CA10: variants seen among roughly 807,000 people sequenced by gnomAD.
CA10 encodes the protein carbonic anhydrase 10 (inactive), also known as carbonic anhydrase-related protein 10.
A neutral mutation model predicts 44.2 loss-of-function variants in CA10; 14 were observed. The observed-to-expected ratio is 0.32, with a 90% CI of 0.21 to 0.50. The LOEUF (loss-of-function observed/expected upper bound fraction) is 0.50. CA10 is among the 20% of genes least tolerant of loss of function. The pLI is 0.99. For synonymous variants in CA10, 159 were observed against 141.6 expected (o/e 1.12, Z -0.87); for missense variants, 350 against 409.7 (o/e 0.85, Z 1.26).
chr17:52,122,365 C>T (rs2143320430), intron 1 of CA10, among the ~76,000 whole-genome samples: 1 of 152,136 alleles, frequency 6.6e-6, no homozygotes, highest in Non-Finnish European at 1.5e-5. Context: ...ATTTTAAAGC[C>T]TAAGACAAAA....
At chr17:52,103,813 T>TC (rs2143257919) in intron 1 of CA10, among the ~76,000 whole-genome samples, 1 of 152,242 alleles carries the variant, frequency 6.6e-6, no homozygotes, top group Admixed American at 6.5e-5. Flanking sequence ...CAAGAGGCAG[T>TC]CCCCCCAGCA....
In CA10 at chr17:51,837,037, T is replaced by C. The variant is rs1043926983; in HGVS notation, c.280-89219A>G. 2.0e-5 allele frequency among the ~76,000 whole-genome samples: 3 copies of C among 151,660 alleles called. No individual in the cohort carries two copies. In the South Asian group the frequency reaches 6.3e-4, roughly 32 times the overall value. ...TGAAATATTGTATGAGCATTTATAA[T>C]GCCATAAGAAACAATATGTATACAT... On this transcript the variant is annotated intron_variant, in intron 3 of 8. Coordinates refer to ENST00000451037, the MANE Select transcript of CA10 (RefSeq NM_020178.5).
intron 3 of CA10, among the ~76,000 whole-genome samples, chr17:51,786,193 C>T (rs1049590820): frequency 1.4e-5 from 2 of 147,410 alleles, no homozygotes; most frequent in Non-Finnish European, 3.0e-5. Flanking sequence ...TTTTTTAATG[C>T]GTTCTAACAT....
chr17:51,856,542 G>A (rs372633285), intron 3 of CA10, among the ~76,000 whole-genome samples: 1 of 152,224 alleles, frequency 6.6e-6, no homozygotes, highest in African/African-American at 2.4e-5. Context: ...AGAAAATACA[G>A]AGCAGTGACA....
chr17:51,866,615 A>C (rs540081891), intron 3 of CA10, among the ~76,000 whole-genome samples: 1 of 152,136 alleles, frequency 6.6e-6, no homozygotes, highest in Non-Finnish European at 1.5e-5. Flanking sequence ...GCTGACCTTC[A>C]TTGAACTAAC....
At chr17:52,105,873 A>G (rs926267221) in intron 1 of CA10, among the ~76,000 whole-genome samples, 1 of 152,194 alleles carries the variant, frequency 6.6e-6, no homozygotes, top group African/African-American at 2.4e-5. Context: ...AACAGCATAA[A>G]AGAAGTAAGT....
At chr17:51,875,890 A>G (rs531934068) in intron 3 of CA10, among the ~76,000 whole-genome samples, 38 of 152,230 alleles carry the variant, frequency 2.5e-4, no homozygotes, top group African/African-American at 9.1e-4. Context: ...TTTTTCCAGA[A>G]TGTTCTATAA....
intron 2 of CA10, among the ~76,000 whole-genome samples, chr17:52,016,335 A>G (rs1246755540): frequency 6.6e-6 from 1 of 152,172 alleles, no homozygotes; most frequent in African/African-American, 2.4e-5. Flanking sequence ...AGGAAGGACC[A>G]CACCCACCAT....
At chr17:52,038,830 TAATCATCA>T (rs1986690111) in intron 2 of CA10, among the ~76,000 whole-genome samples, 1 of 152,206 alleles carries the variant, frequency 6.6e-6, no homozygotes, top group Non-Finnish European at 1.5e-5. Flanking sequence ...CTTTTTGCCT[TAATCATCA>T]AAACATGATT....
intron 1 of CA10, among the ~76,000 whole-genome samples, chr17:52,091,480 G>A (rs919904394): frequency 1.3e-5 from 2 of 152,082 alleles, no homozygotes; most frequent in African/African-American, 2.4e-5. Context: ...GACATTGACC[G>A]TTTCTGAGCC....
At chr17:51,996,967 TCTAA>T (rs1165690832) in intron 2 of CA10, among the ~76,000 whole-genome samples, 25 of 152,176 alleles carry the variant, frequency 1.6e-4, no homozygotes, top group African/African-American at 6.0e-4. Context: ...TCTGAAAATA[TCTAA>T]CTTTCTCACA....
chr17:51,699,008 T>C (rs1915494935), intron 4 of CA10, among the ~76,000 whole-genome samples: 1 of 152,172 alleles, frequency 6.6e-6, no homozygotes, highest in Non-Finnish European at 1.5e-5. Flanking sequence ...AGAGTGCCAA[T>C]ATCTGTTCAG....
intron 4 of CA10, among the ~76,000 whole-genome samples, chr17:51,717,424 G>C (rs1011892202): frequency 1.3e-5 from 2 of 150,502 alleles, no homozygotes; most frequent in African/African-American, 4.9e-5. Context: ...GTCGTTATTC[G>C]AAAAAGATAC....
chr17:51,912,068 A>G (rs1981810532), intron 3 of CA10, among the ~76,000 whole-genome samples: 1 of 152,106 alleles, frequency 6.6e-6, no homozygotes, highest in Admixed American at 6.6e-5. Flanking sequence ...AAAGCCCACA[A>G]ATCTAGCACC....
chr17:51,646,561 CCT>C (rs1359215857), intron 6 of CA10, among the ~76,000 whole-genome samples: 14 of 152,078 alleles, frequency 9.2e-5, no homozygotes. Flanking sequence ...GATAGGGCCC[CCT>C]GAGTTTTCTT....
intron 2 of CA10, among the ~76,000 whole-genome samples, chr17:52,008,092 T>C (rs1445662231): frequency 6.6e-6 from 1 of 151,752 alleles, no homozygotes; most frequent in African/African-American, 2.4e-5. Flanking sequence ...CTTGCTAATT[T>C]ATTCTTTAAT....
chr17:51,792,072 C>T (rs56288610), intron 3 of CA10, among the ~76,000 whole-genome samples: 1 of 152,050 alleles, frequency 6.6e-6, no homozygotes, highest in Non-Finnish European at 1.5e-5. Context: ...TAAAGAGATG[C>T]TATATTGTGT....
intron 2 of CA10, among the ~76,000 whole-genome samples, chr17:51,960,333 T>C (rs996822192): frequency 6.6e-6 from 1 of 151,944 alleles, no homozygotes; most frequent in South Asian, 2.1e-4. Flanking sequence ...GGTAAGAGAT[T>C]GGTGCAGAAA....
Position 51,878,143 on chromosome 17 carries a change from CAAAAAAA to C in CA10, c.279+52840_279+52846del, listed in dbSNP as rs558014863. Among the ~76,000 whole-genome samples, 11 of 63,688 alleles carry C rather than the reference CAAAAAAA, an allele frequency of 1.7e-4. No homozygotes were observed. The East Asian group carries it at 2.6e-3, about 15-fold the overall frequency. 41.8% of individuals were successfully genotyped at this position (63,688 alleles called of 152,430 possible). ...TGGGTGACAGAGCATGACTCCGTCT[CAAAAAAA>C]AAAAAAAAAAAAAAAAAGAAAAAGG... On this transcript the variant is annotated intron_variant, in intron 3 of 8. Coordinates refer to ENST00000451037, the MANE Select transcript of CA10 (RefSeq NM_020178.5).
Sources: gnomAD v4.1 joint callset for allele counts (sites outside exome capture counted in the v4.1 genomes callset) on GRCh38, gnomAD v4.1.1 for gene constraint, MANE v1.5 for transcripts, NCBI Gene and HGNC (gene_info 2026-07-23, HGNC 2026-07-21) for gene names.